LRRTM4: variants seen among roughly 807,000 people sequenced by gnomAD.
LRRTM4 encodes the protein leucine-rich repeat transmembrane neuronal protein 4.
In LRRTM4, 25 loss-of-function variants were observed where a neutral mutation model predicts 47.6. That is an observed-to-expected ratio of 0.53 (90% CI 0.38 to 0.73). The LOEUF is 0.73. LRRTM4 is among the 30% of genes least tolerant of loss of function. The probability of loss-of-function intolerance (pLI) is 0.00; values close to 1 mark genes in which losing one functional copy is unlikely to be tolerated. For missense variants in LRRTM4, 638 were observed against 713.4 expected, an observed-to-expected ratio of 0.89 and a Z score of 1.20; for synonymous variants, 311 against 269.5, an observed-to-expected ratio of 1.15 and a Z score of -1.51.
chr2:77,233,186 A>G (rs2103974169), intron 3 of LRRTM4, among the ~76,000 whole-genome samples: 1 of 152,324 alleles, frequency 6.6e-6, no homozygotes, highest in East Asian at 1.9e-4. Context: ...AGAGTTTATG[A>G]AATATTTGGA....
intron 3 of LRRTM4, among the ~76,000 whole-genome samples, chr2:77,066,496 A>C (rs1044972793): frequency 6.6e-6 from 1 of 152,218 alleles, no homozygotes; most frequent in African/African-American, 2.4e-5. Context: ...AAGAGCCACT[A>C]AGACACACAA....
At chr2:77,231,099 G>A (rs1012009539) in intron 3 of LRRTM4, among the ~76,000 whole-genome samples, 16 of 151,970 alleles carry the variant, frequency 1.1e-4, no homozygotes, top group East Asian at 5.8e-4. Context: ...CGAATTTAAC[G>A]TGGATGTCTA....
At chr2:77,332,995 G>A (rs141348781) in intron 3 of LRRTM4, among the ~76,000 whole-genome samples, 6 of 152,120 alleles carry the variant, frequency 3.9e-5, no homozygotes, top group African/African-American at 4.8e-5. Flanking sequence ...CTGTTCTCAC[G>A]TTAGTGAATG....
At chr2:77,468,968 T>C (rs978105064) in intron 3 of LRRTM4, among the ~76,000 whole-genome samples, 1 of 152,190 alleles carries the variant, frequency 6.6e-6, no homozygotes, top group Non-Finnish European at 1.5e-5. Context: ...ACTACATTTG[T>C]ACTGAAATTG....
At chr2:77,521,943 G>T (rs940593174) in intron 1 of LRRTM4, 125 bp from the exon 2 acceptor site, 8 of 568,492 alleles carry the variant, frequency 1.4e-5, no homozygotes, top group African/African-American at 3.9e-5. Flanking sequence ...GAAGCCGTTG[G>T]GGGGATAGGG....
At chr2:77,429,980 C>G (rs927170405) in intron 3 of LRRTM4, among the ~76,000 whole-genome samples, 2 of 152,062 alleles carry the variant, frequency 1.3e-5, no homozygotes, top group South Asian at 4.1e-4. Context: ...GCAGGGGAAT[C>G]ACTTGGACCC....
chr2:76,971,934 G>T (rs7581850), intron 3 of LRRTM4, among the ~76,000 whole-genome samples: 1 of 152,062 alleles, frequency 6.6e-6, no homozygotes, highest in South Asian at 2.1e-4. Flanking sequence ...TGTTGATCAT[G>T]GTGACAGTGC....
At chr2:77,143,442 T>C (rs1672177179) in intron 3 of LRRTM4, among the ~76,000 whole-genome samples, 1 of 152,200 alleles carries the variant, frequency 6.6e-6, no homozygotes. Flanking sequence ...TTAATAAATT[T>C]CAGTGCTCCA....
At chr2:77,383,989 G>A (rs1226175682) in intron 3 of LRRTM4, among the ~76,000 whole-genome samples, 2 of 152,046 alleles carry the variant, frequency 1.3e-5, no homozygotes, top group Non-Finnish European at 2.9e-5. Context: ...GGATATAAAT[G>A]CATGACAGAT....
intron 3 of LRRTM4, among the ~76,000 whole-genome samples, chr2:76,987,749 C>A (rs953081503): frequency 6.6e-6 from 1 of 151,772 alleles, no homozygotes; most frequent in Non-Finnish European, 1.5e-5. Context: ...TCTCCATTAT[C>A]CTGTAGATGC....
intron 3 of LRRTM4, among the ~76,000 whole-genome samples, chr2:77,229,925 C>G (rs1674919649): frequency 6.6e-6 from 1 of 152,060 alleles, no homozygotes; most frequent in Non-Finnish European, 1.5e-5. Flanking sequence ...CACCCACTAT[C>G]TTGCTTTAAA....
intron 3 of LRRTM4, among the ~76,000 whole-genome samples, chr2:76,860,128 T>C (rs566233815): frequency 1.3e-5 from 2 of 152,270 alleles, no homozygotes; most frequent in African/African-American, 4.8e-5. Flanking sequence ...AGTTGAATAG[T>C]ATATGCCAAA....
chr2:77,119,448 G>A (rs1488598332), intron 3 of LRRTM4, among the ~76,000 whole-genome samples: 1 of 151,762 alleles, frequency 6.6e-6, no homozygotes, highest in Non-Finnish European at 1.5e-5. Flanking sequence ...TTTACTGAAG[G>A]TATCTAAGAG....
intron 3 of LRRTM4, among the ~76,000 whole-genome samples, chr2:77,111,283 A>ATTTTTTTTTTTTTTTTT (rs71381260): frequency 8.8e-6 from 1 of 113,166 alleles, no homozygotes; most frequent in East Asian, 2.7e-4. Context: ...ACACCTGGCT[A>ATTTTTTTTTTTTTTTTT]TTTTTTTTTT....
intron 3 of LRRTM4, among the ~76,000 whole-genome samples, chr2:77,015,432 T>A (rs981539266): frequency 6.6e-6 from 1 of 152,000 alleles, no homozygotes; most frequent in East Asian, 1.9e-4. Context: ...CACCTCTGGG[T>A]TCAAGCAATT....
chr2:77,309,720 TAGATAG>T (rs1420666330), intron 3 of LRRTM4, among the ~76,000 whole-genome samples: 1 of 150,774 alleles, frequency 6.6e-6, no homozygotes, highest in Non-Finnish European at 1.5e-5. Context: ...GATAGATAGA[TAGATAG>T]ATAGATATAA....
chr2:77,427,411 T>C (rs182525052), intron 3 of LRRTM4, among the ~76,000 whole-genome samples: 8 of 152,354 alleles, frequency 5.3e-5, no homozygotes, highest in African/African-American at 1.4e-4. Flanking sequence ...AATTCTACTT[T>C]TATGTAAATA....
intron 3 of LRRTM4, among the ~76,000 whole-genome samples, chr2:77,405,780 T>C (rs961821281): frequency 1.1e-4 from 16 of 152,256 alleles, no homozygotes; most frequent in South Asian, 1.0e-3. Flanking sequence ...TAGTGTTGAA[T>C]ACCTTGGATT....
intron 3 of LRRTM4, among the ~76,000 whole-genome samples, chr2:76,766,144 C>T (rs1452109034): frequency 4.6e-5 from 7 of 152,156 alleles, no homozygotes; most frequent in African/African-American, 1.4e-4. Flanking sequence ...GATCATTTAT[C>T]CTTTCTTGAA....
Sources: allele counts gnomAD v4.1 joint callset (sites outside exome capture counted in the v4.1 genomes callset), GRCh38; gene constraint gnomAD v4.1.1; transcripts MANE v1.5; gene names NCBI Gene and HGNC (gene_info 2026-07-23, HGNC 2026-07-21).